TAFA2: variants seen among roughly 807,000 people sequenced by gnomAD.
TAFA2 encodes chemokine-like protein TAFA-2.
A neutral mutation model predicts 18.8 loss-of-function variants in TAFA2; 7 were observed. The ratio of observed to expected loss-of-function variants is 0.37; its 90% CI spans 0.21 to 0.70. TAFA2 has a LOEUF of 0.70. Among genes scored for constraint, TAFA2 ranks in the 30% least tolerant of loss-of-function variants. The pLI, the probability that TAFA2 is intolerant of heterozygous loss-of-function variation, is 0.53. For missense variants in TAFA2, 122 were observed against 158.1 expected (o/e 0.77, Z 1.23); for synonymous variants, 60 against 54.2 (o/e 1.11, Z -0.47).
At chr12:61,840,325 G>C (rs1039777157) in intron 2 of TAFA2, among the ~76,000 whole-genome samples, 1 of 152,142 alleles carries the variant, frequency 6.6e-6, no homozygotes, top group Non-Finnish European at 1.5e-5. Flanking sequence ...TTTATATCGA[G>C]AGTGTGATAA....
chr12:61,714,440 C>T (rs1452331609), intron 4 of TAFA2, among the ~76,000 whole-genome samples: 3 of 152,130 alleles, frequency 2.0e-5, no homozygotes, highest in East Asian at 1.9e-4. Context: ...GATGAAGATG[C>T]TAATCTGGTA....
At chr12:61,989,034 C>A (rs572507753) in intron 1 of TAFA2, among the ~76,000 whole-genome samples, 1 of 152,072 alleles carries the variant, frequency 6.6e-6, no homozygotes, top group Non-Finnish European at 1.5e-5. Flanking sequence ...GATGTAAGTG[C>A]CTTTCCTCAG....
chr12:61,859,354 G>A (rs996445090), intron 2 of TAFA2, among the ~76,000 whole-genome samples: 47 of 152,314 alleles, frequency 3.1e-4, no homozygotes, highest in African/African-American at 1.1e-3. Context: ...CCATTGACAC[G>A]TGGGGATTAT....
chr12:61,893,041 C>T (rs1003156392), intron 1 of TAFA2, among the ~76,000 whole-genome samples: 5 of 152,144 alleles, frequency 3.3e-5, no homozygotes, highest in Non-Finnish European at 5.9e-5. Flanking sequence ...AGATCTAAAA[C>T]ACTCCTAACT....
intron 1 of TAFA2, among the ~76,000 whole-genome samples, chr12:62,168,901 C>A (rs1217807566): frequency 6.6e-6 from 1 of 150,868 alleles, no homozygotes. Flanking sequence ...TCTTTTGGAC[C>A]CTAATTGAAA....
intron 1 of TAFA2, among the ~76,000 whole-genome samples, chr12:62,231,007 T>A (rs1257523442): frequency 6.6e-6 from 1 of 152,326 alleles, no homozygotes; most frequent in East Asian, 1.9e-4. Flanking sequence ...GAGAAAAATA[T>A]GTATTCTGCA....
At chr12:61,961,972 G>A (rs1271435111) in intron 1 of TAFA2, among the ~76,000 whole-genome samples, 2 of 151,962 alleles carry the variant, frequency 1.3e-5, no homozygotes, top group African/African-American at 4.8e-5. Flanking sequence ...CCTCTAATCA[G>A]CAGAAAGCTT....
chr12:61,771,738 T>A (rs886131305), intron 2 of TAFA2, among the ~76,000 whole-genome samples: 1 of 151,576 alleles, frequency 6.6e-6, no homozygotes, highest in African/African-American at 2.4e-5. Context: ...AGCAGTTCTA[T>A]GAAAAAAGTT....
intron 1 of TAFA2, among the ~76,000 whole-genome samples, chr12:62,060,347 T>A (rs1236087064): frequency 1.3e-5 from 2 of 152,168 alleles, no homozygotes; most frequent in African/African-American, 4.8e-5. Context: ...GCTGAAAATT[T>A]TTTCACCTTG....
intron 1 of TAFA2, among the ~76,000 whole-genome samples, chr12:62,204,508 G>T (rs111507115): frequency 0.055 from 8,398 of 151,906 alleles, 282 homozygotes; most frequent in African/African-American, 0.085. Context: ...CATAGTTCTC[G>T]GAGGTTTTGT....
intron 1 of TAFA2, among the ~76,000 whole-genome samples, chr12:62,162,258 T>C (rs1309610963): frequency 6.6e-6 from 1 of 152,204 alleles, no homozygotes; most frequent in African/African-American, 2.4e-5. Flanking sequence ...CTATCTCTCA[T>C]CATAAATATG....
At chr12:61,918,378 T>A (rs1876915980) in intron 1 of TAFA2, among the ~76,000 whole-genome samples, 1 of 152,182 alleles carries the variant, frequency 6.6e-6, no homozygotes, top group South Asian at 2.1e-4. Flanking sequence ...TTTTAATTTT[T>A]AGATACCACA....
At chr12:61,880,384 G>A (rs1423500823) in intron 1 of TAFA2, 2 of 530,310 alleles carry the variant, frequency 3.8e-6, no homozygotes, top group Non-Finnish European at 7.6e-6. Flanking sequence ...CCAAGCTGTT[G>A]GAGCTGGAGG....
chr12:61,886,875 G>A (rs1410780750), intron 1 of TAFA2, among the ~76,000 whole-genome samples: 1 of 152,106 alleles, frequency 6.6e-6, no homozygotes, highest in Non-Finnish European at 1.5e-5. Context: ...GGGAAACTTG[G>A]GAACCAGACT....
At chr12:61,928,686 A>C (rs1230058212) in intron 1 of TAFA2, among the ~76,000 whole-genome samples, 2 of 152,206 alleles carry the variant, frequency 1.3e-5, no homozygotes, top group African/African-American at 2.4e-5. Flanking sequence ...AAGGATTATA[A>C]ATCATTCTAC....
At chr12:61,942,358 C>G (rs1196145092) in intron 1 of TAFA2, among the ~76,000 whole-genome samples, 88 of 147,444 alleles carry the variant, frequency 6.0e-4, no homozygotes, top group African/African-American at 9.6e-4. Context: ...GGGGAAAAAA[C>G]AGAACAGAAA....
chr12:62,015,906 A>T (rs1461044081), intron 1 of TAFA2, among the ~76,000 whole-genome samples: 1 of 152,182 alleles, frequency 6.6e-6, no homozygotes. Flanking sequence ...GAGAATGGGG[A>T]TTTGTATTTA....
intron 2 of TAFA2, among the ~76,000 whole-genome samples, chr12:61,770,659 C>T (rs778991779): frequency 6.6e-5 from 10 of 152,016 alleles, no homozygotes; most frequent in Non-Finnish European, 1.5e-4. Context: ...ATGAAGAAAA[C>T]ATATAGTCTT....
At chr12:61,890,603 A>G (rs1875587751) in intron 1 of TAFA2, among the ~76,000 whole-genome samples, 1 of 152,242 alleles carries the variant, frequency 6.6e-6, no homozygotes, top group African/African-American at 2.4e-5. Flanking sequence ...TAATAGTAGA[A>G]CAAATAAGTA....
Sources: allele counts gnomAD v4.1 joint callset (sites outside exome capture counted in the v4.1 genomes callset), GRCh38; gene constraint gnomAD v4.1.1; transcripts MANE v1.5; gene names NCBI Gene and HGNC (gene_info 2026-07-23, HGNC 2026-07-21).